Variants in INPP4B observed in about 807,000 individuals in gnomAD.
INPP4B encodes the protein inositol polyphosphate 4-phosphatase type II.
A neutral mutation model predicts 122.5 loss-of-function variants in INPP4B; 55 were observed. That is an observed-to-expected ratio of 0.45 (90% CI 0.36 to 0.56). INPP4B has a LOEUF of 0.56. INPP4B is among the 20% of genes least tolerant of loss of function. The probability of loss-of-function intolerance (pLI) is 0.00; values close to 1 mark genes in which losing one functional copy is unlikely to be tolerated. For synonymous variants in INPP4B, 403 were observed against 388.7 expected, an observed-to-expected ratio of 1.04 and a Z score of -0.43; for missense variants, 1,000 against 1,097.7, an observed-to-expected ratio of 0.91 and a Z score of 1.26.
chr4:142,775,985 T>G (rs1030818078), intron 1 of INPP4B, among the ~76,000 whole-genome samples: 3 of 152,172 alleles, frequency 2.0e-5, no homozygotes, highest in African/African-American at 7.2e-5. Flanking sequence ...CCTATTGATA[T>G]GGTGGATCTT....
chr4:142,737,945 A>G (rs959336107), intron 1 of INPP4B, among the ~76,000 whole-genome samples: 4 of 152,230 alleles, frequency 2.6e-5, no homozygotes, highest in African/African-American at 9.6e-5. Flanking sequence ...CAATCATTAA[A>G]AAGTCAGAAA....
intron 1 of INPP4B, among the ~76,000 whole-genome samples, chr4:142,835,286 G>T (rs1247010653): frequency 6.6e-6 from 1 of 152,100 alleles, no homozygotes; most frequent in African/African-American, 2.4e-5. Context: ...GAGATGTAGG[G>T]CCCACTAGCC....
At chr4:142,528,882 T>C (rs1043276001) in intron 2 of INPP4B, among the ~76,000 whole-genome samples, 2 of 152,042 alleles carry the variant, frequency 1.3e-5, no homozygotes, top group African/African-American at 4.8e-5. Context: ...AAAAAGTGAG[T>C]TTTGTCACTT....
chr4:142,290,834 T>C (rs1206227826), intron 9 of INPP4B, among the ~76,000 whole-genome samples: 2 of 152,154 alleles, frequency 1.3e-5, no homozygotes, highest in Non-Finnish European at 2.9e-5. Flanking sequence ...AGCTGGATAT[T>C]TATTTTCAAA....
intron 12 of INPP4B, among the ~76,000 whole-genome samples, chr4:142,210,002 G>T (rs892570007): frequency 6.6e-6 from 1 of 151,994 alleles, no homozygotes; most frequent in Admixed American, 6.6e-5. Flanking sequence ...CTTTAGCCAA[G>T]TTAATTTAAA....
chr4:142,416,365 C>G (rs1805770695), intron 5 of INPP4B, among the ~76,000 whole-genome samples: 1 of 152,092 alleles, frequency 6.6e-6, no homozygotes, highest in Non-Finnish European at 1.5e-5. Context: ...CCTGAGCATG[C>G]TTTCCCAAAC....
intron 1 of INPP4B, among the ~76,000 whole-genome samples, chr4:142,751,874 G>A (rs544680795): frequency 6.2e-4 from 94 of 152,156 alleles, no homozygotes; most frequent in South Asian, 2.7e-3. Context: ...CCCAAGGCCT[G>A]ATGCACTGTC....
At chr4:142,262,348 C>A (rs965418516) in intron 10 of INPP4B, among the ~76,000 whole-genome samples, 1 of 152,136 alleles carries the variant, frequency 6.6e-6, no homozygotes, top group African/African-American at 2.4e-5. Context: ...GCTGCTCTTT[C>A]AACACAAAAA....
At chr4:142,723,302 C>G (rs1030327748) in intron 2 of INPP4B, among the ~76,000 whole-genome samples, 3 of 152,040 alleles carry the variant, frequency 2.0e-5, no homozygotes, top group Non-Finnish European at 4.4e-5. Context: ...AATATAATTA[C>G]AGTCATGAAA....
chr4:142,733,995 T>C (rs1407352157), intron 1 of INPP4B, among the ~76,000 whole-genome samples: 1 of 152,166 alleles, frequency 6.6e-6, no homozygotes, highest in Admixed American at 6.6e-5. Flanking sequence ...AAAAAGTATG[T>C]ACTATAGGAA....
intron 5 of INPP4B, among the ~76,000 whole-genome samples, chr4:142,408,259 G>GA (rs3076601): frequency 0.29 from 42,799 of 148,534 alleles, 7,395 homozygotes; most frequent in South Asian, 0.45. Context: ...CTGTTTTCAG[G>GA]AAAAAAAAAA....
intron 10 of INPP4B, among the ~76,000 whole-genome samples, chr4:142,268,179 C>T (rs1177724230): frequency 2.0e-5 from 3 of 150,654 alleles, no homozygotes; most frequent in African/African-American, 4.9e-5. Context: ...AAAAATTAGC[C>T]GGGCATGGTG....
intron 7 of INPP4B, among the ~76,000 whole-genome samples, chr4:142,395,900 G>A (rs1799208836): frequency 1.3e-5 from 2 of 152,018 alleles, no homozygotes; most frequent in Non-Finnish European, 2.9e-5. Context: ...GCTGGGGAAA[G>A]GGAAAAATGA....
At chr4:142,443,663 AC>A (rs1338966839) in intron 3 of INPP4B, among the ~76,000 whole-genome samples, 1 of 152,098 alleles carries the variant, frequency 6.6e-6, no homozygotes, top group East Asian at 1.9e-4. Flanking sequence ...ACAGAAGGCT[AC>A]CTCCCACCAG....
At chr4:142,833,054 T>C (rs1299234965) in intron 1 of INPP4B, among the ~76,000 whole-genome samples, 1 of 151,848 alleles carries the variant, frequency 6.6e-6, no homozygotes, top group Non-Finnish European at 1.5e-5. Flanking sequence ...GGTTTTTTTC[T>C]AGTTTTTTTT....
At chr4:142,361,640 C>A (rs1472328942) in intron 7 of INPP4B, among the ~76,000 whole-genome samples, 1 of 151,742 alleles carries the variant, frequency 6.6e-6, no homozygotes, top group Non-Finnish European at 1.5e-5. Context: ...TTGTTAATTT[C>A]TCTCATGAAA....
At chr4:142,466,802 T>C (rs1271254342) in intron 2 of INPP4B, among the ~76,000 whole-genome samples, 1 of 152,168 alleles carries the variant, frequency 6.6e-6, no homozygotes, top group Non-Finnish European at 1.5e-5. Context: ...CAGGGCCCCA[T>C]TGCCCTGATC....
At chr4:142,502,602 C>T (rs998630808) in intron 2 of INPP4B, among the ~76,000 whole-genome samples, 1 of 152,050 alleles carries the variant, frequency 6.6e-6, no homozygotes, top group Non-Finnish European at 1.5e-5. Context: ...GATTCTCCTG[C>T]CTCAACCTCC....
At chr4:142,448,378 G>T (rs1813403056) in intron 3 of INPP4B, among the ~76,000 whole-genome samples, 1 of 146,320 alleles carries the variant, frequency 6.8e-6, no homozygotes, top group Non-Finnish European at 1.5e-5. Flanking sequence ...CAGTTACGCT[G>T]ATGATGTAAA....
Sources: gnomAD v4.1 joint callset for allele counts (sites outside exome capture counted in the v4.1 genomes callset) on GRCh38, gnomAD v4.1.1 for gene constraint, MANE v1.5 for transcripts, NCBI Gene and HGNC (gene_info 2026-07-23, HGNC 2026-07-21) for gene names.